SLC4A7: variants seen among roughly 807,000 people sequenced by gnomAD.
The protein encoded by SLC4A7 is sodium bicarbonate cotransporter 3.
SLC4A7 carries 51 observed loss-of-function variants against 137.6 expected under a neutral mutation model. The observed-to-expected ratio is 0.37, with a 90% CI of 0.30 to 0.47. The LOEUF is 0.47. Ranked by LOEUF, SLC4A7 falls within the 20% of genes least tolerant of loss-of-function variation. The pLI is 1.00. For missense variants in SLC4A7, 1,247 were observed against 1,525.4 expected (o/e 0.82, Z 3.04); for synonymous variants, 542 against 518.6 (o/e 1.05, Z -0.61).
intron 3 of SLC4A7, among the ~76,000 whole-genome samples, chr3:27,438,566 A>G (rs1230683899): frequency 6.6e-6 from 1 of 151,184 alleles, no homozygotes; most frequent in Non-Finnish European, 1.5e-5. Context: ...ATAACATAAC[A>G]TAAAATAACA....
intron 1 of SLC4A7, among the ~76,000 whole-genome samples, chr3:27,455,499 T>A (rs1364663859): frequency 1.3e-5 from 2 of 152,084 alleles, no homozygotes; most frequent in African/African-American, 2.4e-5. Flanking sequence ...GAAGTCAAGT[T>A]AAAATATGAA....
chr3:27,406,199 C>G (rs1457412408), intron 13 of SLC4A7, among the ~76,000 whole-genome samples: 3 of 152,180 alleles, frequency 2.0e-5, no homozygotes, highest in African/African-American at 7.2e-5. Context: ...CATATCTTAA[C>G]CTTTCTAAGC....
chr3:27,469,677 C>T (rs569223471), intron 1 of SLC4A7, among the ~76,000 whole-genome samples: 2 of 152,048 alleles, frequency 1.3e-5, no homozygotes, highest in Admixed American at 6.6e-5. Context: ...CACTTGAACC[C>T]GGGAAGCAGA....
intron 2 of SLC4A7, among the ~76,000 whole-genome samples, chr3:27,450,958 G>C (rs1000437321): frequency 1.3e-5 from 2 of 151,956 alleles, no homozygotes; most frequent in Admixed American, 1.3e-4. Context: ...GTTATGTATA[G>C]GTGAGGGTTG....
intron 25 of SLC4A7, 50 bp downstream of exon 25, chr3:27,379,199 G>A (rs1162617781): frequency 1.1e-6 from 1 of 905,816 alleles, no homozygotes; most frequent in Non-Finnish European, 1.7e-6. Flanking sequence ...GCTATCATAA[G>A]TAAATGAAAA....
intron 1 of SLC4A7, among the ~76,000 whole-genome samples, chr3:27,457,936 T>G (rs2058497216): frequency 6.6e-6 from 1 of 152,152 alleles, no homozygotes. Flanking sequence ...GTTCACTTCA[T>G]TCATTTTTGA....
In SLC4A7 at chr3:27,446,976, C is replaced by T. The variant is rs534675206; in HGVS notation, c.289+1675G>A. Among the ~76,000 whole-genome samples the T allele has an allele frequency of 2.1e-4, 31 of 149,164 alleles. No individual in the cohort carries two copies. In the South Asian group the frequency reaches 4.3e-3, roughly 21 times the overall value. On this transcript the variant is annotated intron_variant, in intron 3 of 25. Transcript: ENST00000454389. ...TCTGCTCACTGCAACCTCTGCCTCC[C>T]GGGTTCAAGCAATTCTCTGCCTCAG...
Position 27,436,475 on chromosome 3 carries a change from AAG to A in SLC4A7, c.500_501del (p.Ser167PhefsTer6). 6.2e-7 allele frequency: 1 copy of A among 1,613,754 alleles called. No homozygotes were observed. Among genetic ancestry groups the A allele is most frequent in the Non-Finnish European group, 8.5e-7 (1 of 1,179,696 alleles). On this transcript the variant is annotated frameshift_variant, in exon 5 of 26. Transcript: ENST00000454389. LOFTEE classifies it high-confidence loss of function. Reference sequence around the variant, plus strand: ...CTCCTTAGTTCAAAAAGACTGTGCAAAGAGAGAGTTGCCACATAAGGTTTACT... The same window carrying A: ...CTCCTTAGTTCAAAAAGACTGTGCAAAGAGAGTTGCCACATAAGGTTTACT... ...RWSKPYVATL[S>X]LHSLFELRSC... is the part of the protein sequence containing the mutation.
chr3:27,445,931 CAAAAAA>C (rs1164631983), intron 3 of SLC4A7, among the ~76,000 whole-genome samples: 1 of 58,526 alleles, frequency 1.7e-5, no homozygotes, highest in African/African-American at 8.1e-5. Context: ...GGCTCAGTCT[CAAAAAA>C]AAAAAAAAAA....
At chr3:27,441,823 G>A (rs1009666946) in intron 3 of SLC4A7, among the ~76,000 whole-genome samples, 4 of 151,862 alleles carry the variant, frequency 2.6e-5, no homozygotes, top group African/African-American at 9.7e-5. Context: ...TATATTCTTA[G>A]AGGAACTTGT....
chr3:27,389,895 T>A (rs961736368), intron 22 of SLC4A7, 36 bp downstream of exon 22: 2 of 1,501,912 alleles, frequency 1.3e-6, no homozygotes, highest in Admixed American at 1.8e-5. Context: ...AAACATATTA[T>A]TAATTAGTGA....
chr3:27,457,146 A>G (rs2058456872), intron 1 of SLC4A7, among the ~76,000 whole-genome samples: 1 of 152,128 alleles, frequency 6.6e-6, no homozygotes, highest in African/African-American at 2.4e-5. Context: ...GATTCTCTAC[A>G]TTCTTAAAAA....
intron 1 of SLC4A7, among the ~76,000 whole-genome samples, chr3:27,481,142 C>A (rs888892533): frequency 6.6e-6 from 1 of 152,088 alleles, no homozygotes; most frequent in African/African-American, 2.4e-5. Flanking sequence ...AAGGATTTAA[C>A]CTATACTGGA....
rs781492021 is a variant in SLC4A7, at chr3:27,431,418, G to A, written c.1030C>T (p.Leu344=). The A allele has an allele frequency of 5.0e-6, 8 of 1,614,000 alleles. No individual in the cohort carries two copies. In the Admixed American group the frequency reaches 1.0e-4, roughly 20 times the overall value. ...ATATCATCACTGGCAGGTGAAACCA[G>A]TAGTTCTGGGGCCTGACGCTGACTC... ...QESQRQAPEL[L]VSPASDDIPT... The change falls in exon 7 of 26, where the codon CTG becomes TTG. Residue 344 remains leucine (L), a synonymous_variant. Coordinates refer to ENST00000454389, the MANE Select transcript of SLC4A7 (RefSeq NM_001321103.2).
At chr3:27,417,139 C>CAG (rs1395985228) in intron 11 of SLC4A7, among the ~76,000 whole-genome samples, 1 of 152,096 alleles carries the variant, frequency 6.6e-6, no homozygotes, top group Admixed American at 6.6e-5. Context: ...CACGAATAGA[C>CAG]AGACCAATGG....
intron 1 of SLC4A7, among the ~76,000 whole-genome samples, chr3:27,456,102 TGC>T (rs2058390327): frequency 6.6e-6 from 1 of 152,086 alleles, no homozygotes; most frequent in Non-Finnish European, 1.5e-5. Flanking sequence ...ACACTTAACA[TGC>T]CAAAAGCAAA....
At chr3:27,389,645 T>C (rs1408048184) in intron 22 of SLC4A7, among the ~76,000 whole-genome samples, 2 of 152,176 alleles carry the variant, frequency 1.3e-5, no homozygotes, top group Non-Finnish European at 2.9e-5. Flanking sequence ...CATTTGAAAA[T>C]GTATTTGTTC....
At chr3:27,394,892 A>C in intron 19 of SLC4A7, 62 bp downstream of exon 19, 1 of 1,542,322 alleles carries the variant, frequency 6.5e-7, no homozygotes, top group Non-Finnish European at 8.7e-7. Flanking sequence ...TGTTCTAATC[A>C]TTACAAAAAC....
chr3:27,452,497 C>A lies in SLC4A7; in HGVS notation c.62G>T (p.Gly21Val), dbSNP rs200701789. 4 of 1,598,860 alleles carry A rather than the reference C, an allele frequency of 2.5e-6. No homozygotes were observed. In the Admixed American group the frequency reaches 5.3e-5, roughly 21 times the overall value. The change falls in exon 2 of 26, where the codon GGT becomes GTT. Residue 21 changes from glycine (G) to valine (V), a missense_variant and splice_region_variant. Transcript: ENST00000454389. ...ATCCACAACAGCTTCTTCATCAGGA[C>A]CCTAAAAACAAATTATTCTCATTGA... is the stretch of plus-strand genomic sequence containing the variant. ...RPLLTRVTSRGPDEEAVVDLG... is the reference protein window; with the variant it reads ...RPLLTRVTSRVPDEEAVVDLG...
Sources: gnomAD v4.1 joint callset for allele counts (sites outside exome capture counted in the v4.1 genomes callset) on GRCh38, gnomAD v4.1.1 for gene constraint, MANE v1.5 for transcripts, NCBI Gene and HGNC (gene_info 2026-07-23, HGNC 2026-07-21) for gene names.